Variants in ATM observed in about 807,000 individuals in gnomAD.
The protein encoded by ATM is ATM serine/threonine kinase.
Under a neutral mutation model 387.0 loss-of-function variants are expected in ATM, and 308 were observed. That is an observed-to-expected ratio of 0.80 (90% confidence interval 0.73 to 0.87). ATM has a LOEUF of 0.87. Among genes scored for constraint, ATM ranks in the 40% least tolerant of loss-of-function variants. The pLI is 0.00. For synonymous variants in ATM, 1,156 were observed against 1,187.3 expected (o/e 0.97, Z 0.54); for missense variants, 3,312 against 3,560.9 (o/e 0.93, Z 1.78).
rs730881370 is a variant in ATM at position 108,229,314 on chromosome 11, G to A, written c.322G>A (p.Ala108Thr). 2 of 1,611,706 alleles carry A rather than the reference G, an allele frequency of 1.2e-6. No individual in the cohort carries two copies. The highest frequency in any genetic ancestry group is 8.5e-7 in the Non-Finnish European group (1 of 1,179,172). Reference sequence around the variant, plus strand: ...TTTGGTCAAATACTTCATCAAATGTGCAAACAGAAGTAAGTGATGTTATAA... The same window carrying A: ...TTTGGTCAAATACTTCATCAAATGTACAAACAGAAGTAAGTGATGTTATAA... The part of the protein sequence containing the change: ...SSLVKYFIKC[A>T]NRRAPRLKCQ... Residue 108 changes from alanine (A) to threonine (T), a missense_variant, in exon 4 of 63, where the codon GCA (alanine) becomes ACA (threonine). By Grantham distance (58) the Ala-to-Thr change is moderately conservative. Coordinates refer to ENST00000675843, the MANE Select transcript of ATM (RefSeq NM_000051.4).
Position 108,279,501 on chromosome 11 carries a change from G to T in ATM, c.3295G>T (p.Asp1099Tyr), listed in dbSNP as rs372966951. The T allele has an allele frequency of 3.1e-6, 5 of 1,609,150 alleles. No individual in the cohort carries two copies. The highest frequency in any genetic ancestry group is 4.2e-6 in the Non-Finnish European group (5 of 1,176,860). The change falls in exon 23 of 63, where the codon GAC becomes TAC. Residue 1099 changes from aspartate (D) to tyrosine (Y), a missense_variant. Physicochemically the swap from Asp to Tyr is radical, Grantham distance 160. Coordinates refer to ENST00000675843, the MANE Select transcript of ATM (RefSeq NM_000051.4). ...AAESINRLFQ[D>Y]TKGDSSRLLK... ...CTTGCTTGTTTTAAGATTGTTCCAG[G>T]ACACGAAGGGAGATTCTTCCAGGTT... is the stretch of plus-strand genomic sequence containing the variant.
At chr11:108,237,567 T>C (rs1231972030) in intron 5 of ATM, among the ~76,000 whole-genome samples, 2 of 152,226 alleles carry the variant, frequency 1.3e-5, no homozygotes, top group Non-Finnish European at 2.9e-5. Context: ...ATTTTTTTAC[T>C]TAGCTTCCTT....
At chr11:108,325,265 T>TTTC in intron 45 of ATM, 45 bp from the exon 46 acceptor site, 3 of 1,100,006 alleles carry the variant, frequency 2.7e-6, no homozygotes, top group East Asian at 2.4e-5. Context: ...TTTTTTTTTT[T>TTTC]TTTCATTTCT....
intron 16 of ATM, among the ~76,000 whole-genome samples, chr11:108,260,977 G>A (rs577334432): frequency 0.01 from 1,581 of 151,372 alleles, 34 homozygotes; most frequent in African/African-American, 0.036. Flanking sequence ...CACCTGGCTC[G>A]GAGGGTCCTA....
chr11:108,229,061 A>T, intron 3 of ATM, 117 bp from the exon 4 acceptor site: 1 of 977,674 alleles, frequency 1.0e-6, no homozygotes, highest in Non-Finnish European at 1.5e-6. Flanking sequence ...CAGCTGATGT[A>T]GTAATCTAAG....
intron 34 of ATM, among the ~76,000 whole-genome samples, chr11:108,301,052 C>A (rs548512706): frequency 1.4e-4 from 22 of 152,122 alleles, no homozygotes; most frequent in Non-Finnish European, 3.1e-4. Flanking sequence ...TTGAGCCACA[C>A]CACACTCAGC....
At chr11:108,329,666 C>T (rs1023284624) in intron 49 of ATM, among the ~76,000 whole-genome samples, 3 of 152,154 alleles carry the variant, frequency 2.0e-5, no homozygotes, top group Admixed American at 6.5e-5. Flanking sequence ...CCACCTTGGC[C>T]GCCCAAAGTG....
intron 38 of ATM, 37 bp downstream of exon 38, chr11:108,308,021 T>C (rs1456515807): frequency 6.4e-7 from 1 of 1,555,878 alleles, no homozygotes; most frequent in Admixed American, 1.7e-5. Context: ...GTTTAGGATC[T>C]AGAGTGTAAC....
intron 46 of ATM, among the ~76,000 whole-genome samples, chr11:108,325,848 A>G (rs995340398): frequency 2.0e-5 from 3 of 152,302 alleles, no homozygotes; most frequent in African/African-American, 4.8e-5. Flanking sequence ...ACAGATACAC[A>G]TACATACATA....
intron 7 of ATM, among the ~76,000 whole-genome samples, chr11:108,245,272 G>A (rs2079788612): frequency 1.3e-5 from 2 of 152,174 alleles, no homozygotes; most frequent in South Asian, 4.1e-4. Context: ...AAAAAAATCT[G>A]AGACATTGTT....
chr11:108,282,896 C>T lies in ATM; in HGVS notation c.3746+17C>T, dbSNP rs1057520850. On this transcript the variant is annotated intron_variant, in intron 25 of 62. Coordinates refer to ENST00000675843, the MANE Select transcript of ATM (RefSeq NM_000051.4). Reference sequence around the variant, plus strand: ...TTTCTATAGGTAAGTTTATACATGACATATGTGAAATTTGTTTAATTTAAA... The same window carrying T: ...TTTCTATAGGTAAGTTTATACATGATATATGTGAAATTTGTTTAATTTAAA... 6.3e-6 allele frequency: 9 copies of T among 1,435,738 alleles called. No homozygotes were observed. The highest frequency in any genetic ancestry group is 8.7e-6 in the Non-Finnish European group (9 of 1,029,536). 88.9% of individuals were successfully genotyped at this position (1,435,738 alleles called of 1,614,324 possible). A position where few individuals can be genotyped will look rare whatever the true frequency, so the allele number is the denominator to read the frequency against.
intron 16 of ATM, among the ~76,000 whole-genome samples, chr11:108,265,635 G>T (rs1291722148): frequency 6.7e-6 from 1 of 149,404 alleles, no homozygotes; most frequent in Non-Finnish European, 1.5e-5. Context: ...TGACAAATGG[G>T]ATCTAATTAA....
intron 14 of ATM, 32 bp downstream of exon 14, chr11:108,256,372 T>A (rs2135395690): frequency 1.3e-6 from 2 of 1,590,144 alleles, no homozygotes; most frequent in Non-Finnish European, 1.7e-6. Context: ...AAGTTTCGGA[T>A]AAATTTGAAT....
chr11:108,335,243 G>A (rs545111721), intron 55 of ATM, 134 bp downstream of exon 55: 1 of 1,544,724 alleles, frequency 6.5e-7, no homozygotes, highest in African/African-American at 1.4e-5. Context: ...TTGTAGAGTA[G>A]AAATGCATTA....
At position 108,287,630 on chromosome 11, in the gene ATM, G is replaced by C. The variant is rs1555095899; in HGVS notation, c.4024G>C (p.Glu1342Gln). Reference sequence around the variant, plus strand: ...TCACTTATTCATTAGTAATTTACCAGAGATTGTGGTGGAGTTATTGATGAC... The same window carrying C: ...TCACTTATTCATTAGTAATTTACCACAGATTGTGGTGGAGTTATTGATGAC... ...IDHLFISNLP[E>Q]IVVELLMTLH... is the part of the protein sequence containing the mutation. The change falls in exon 27 of 63, where the codon GAG (glutamate) becomes CAG (glutamine). Residue 1342 changes from glutamate (E) to glutamine (Q), a missense_variant. Transcript: ENST00000675843. 1 of 1,613,406 alleles carries C rather than the reference G, an allele frequency of 6.2e-7. No individual in the cohort carries two copies. The highest frequency in any genetic ancestry group is 8.5e-7 in the Non-Finnish European group (1 of 1,179,692).
At chr11:108,319,872 T>C in intron 43 of ATM, 82 bp from the exon 44 acceptor site, 1 of 952,802 alleles carries the variant, frequency 1.0e-6, no homozygotes. Flanking sequence ...TTAAAAATTT[T>C]GTCCTTTGGT....
rs1334340821 is a variant in ATM, at chr11:108,227,514, A to G, written c.-30-81A>G. On this transcript the variant is annotated intron_variant, in intron 1 of 62. Coordinates refer to ENST00000675843, the MANE Select transcript of ATM (RefSeq NM_000051.4). ...ATACTGCAGTATAAAATAATTATATACACATTTTTTCACACCTCTTTCTCT... is the reference window on the plus strand; with the variant it reads ...ATACTGCAGTATAAAATAATTATATGCACATTTTTTCACACCTCTTTCTCT... The G allele has an allele frequency of 4.7e-6, 4 of 857,680 alleles. No individual in the cohort carries two copies. In the African/African-American group the frequency reaches 5.1e-5, roughly 11 times the overall value. 53.1% of individuals were successfully genotyped at this position (857,680 alleles called of 1,614,324 possible).
intron 6 of ATM, 96 bp from the exon 7 acceptor site, chr11:108,244,692 G>GTTTT: frequency 9.4e-6 from 9 of 955,990 alleles, no homozygotes; most frequent in Non-Finnish European, 1.5e-5. Context: ...TTAGGGTTTT[G>GTTTT]TTTTTTTTTC....
At chr11:108,335,612 C>A (rs1452214504) in intron 55 of ATM, among the ~76,000 whole-genome samples, 2 of 152,156 alleles carry the variant, frequency 1.3e-5, no homozygotes, top group East Asian at 3.9e-4. Context: ...CTAGGGGGGA[C>A]TTCCAGTTAA....
Sources: allele counts gnomAD v4.1 joint callset (sites outside exome capture counted in the v4.1 genomes callset), GRCh38; gene constraint gnomAD v4.1.1; transcripts MANE v1.5; gene names NCBI Gene and HGNC (gene_info 2026-07-23, HGNC 2026-07-21).